CDH17: variants seen among roughly 807,000 people sequenced by gnomAD.
CDH17 encodes the protein cadherin-17.
In CDH17, 67 loss-of-function variants were observed where a neutral mutation model predicts 86.3. That is an observed-to-expected ratio of 0.78 (90% CI 0.64 to 0.95). CDH17 has a LOEUF of 0.95. Among genes scored for constraint, CDH17 ranks in the 40% least tolerant of loss-of-function variants. The probability of loss-of-function intolerance (pLI) is 0.00; values close to 1 mark genes in which losing one functional copy is unlikely to be tolerated. For synonymous variants in CDH17, 367 were observed against 366.4 expected, an observed-to-expected ratio of 1.00 and a Z score of -0.02; for missense variants, 993 against 1,017.6, an observed-to-expected ratio of 0.98 and a Z score of 0.33.
intron 1 of CDH17, among the ~76,000 whole-genome samples, chr8:94,215,047 G>A (rs1814173633): frequency 6.6e-6 from 1 of 152,232 alleles, no homozygotes; most frequent in Admixed American, 6.5e-5. Flanking sequence ...TGGTGGGAAT[G>A]TAAAATAACA....
chr8:94,129,206 T>G (rs1329474971), intron 17 of CDH17, among the ~76,000 whole-genome samples: 1 of 152,158 alleles, frequency 6.6e-6, no homozygotes, highest in East Asian at 1.9e-4. Context: ...GCTATCTGAT[T>G]TGTAAATTCA....
chr8:94,216,407 G>A (rs138694390), intron 1 of CDH17, among the ~76,000 whole-genome samples: 10 of 152,236 alleles, frequency 6.6e-5, no homozygotes, highest in African/African-American at 9.6e-5. Context: ...CTATCAATGA[G>A]CCTCAGCCAG....
At chr8:94,211,020 C>CA (rs59090058), upstream of CDH17, among the ~76,000 whole-genome samples, 18,449 of 91,550 alleles carry the variant, frequency 0.2, 1,474 homozygotes, top group Middle Eastern at 0.26. Context: ...GACTGCATCT[C>CA]AAAAAAAAAA....
intron 7 of CDH17, among the ~76,000 whole-genome samples, chr8:94,172,432 T>C (rs1292867825): frequency 6.6e-6 from 1 of 151,982 alleles, no homozygotes; most frequent in Non-Finnish European, 1.5e-5. Flanking sequence ...CCCTTAACAA[T>C]AGTAGCATTA....
At chr8:94,155,510 A>G (rs1329737165) in intron 12 of CDH17, among the ~76,000 whole-genome samples, 1 of 152,012 alleles carries the variant, frequency 6.6e-6, no homozygotes, top group Non-Finnish European at 1.5e-5. Context: ...CATCCTCACC[A>G]CCAAGCAGGT....
chr8:94,176,604 C>T lies in CDH17; in HGVS notation c.361G>A (p.Asp121Asn), dbSNP rs1297122469. The T allele has an allele frequency of 1.9e-6, 3 of 1,613,772 alleles. No individual in the cohort carries two copies. The highest frequency in any genetic ancestry group is 2.5e-6 in the Non-Finnish European group (3 of 1,179,770). Residue 121 changes from aspartate to asparagine, a missense_variant, in exon 5 of 18, where the codon GAC (aspartate) becomes AAC (asparagine). Coordinates refer to ENST00000027335, the MANE Select transcript of CDH17 (RefSeq NM_004063.4). ...PITIKVKDIN[D>N]NRPTFLQSKY... Reference sequence around the variant, plus strand: ...GACTGGAGAAACGTGGGTCGATTGTCGTTGATGTCCTTCACTTTTATGGTG... The same window carrying T: ...GACTGGAGAAACGTGGGTCGATTGTTGTTGATGTCCTTCACTTTTATGGTG...
At chr8:94,185,974 TTTG>T (rs959796281) in intron 3 of CDH17, among the ~76,000 whole-genome samples, 19 of 152,188 alleles carry the variant, frequency 1.2e-4, no homozygotes, top group Non-Finnish European at 2.5e-4. Context: ...ATATCTGTTT[TTTG>T]TTGTTGTTGT....
intron 3 of CDH17, among the ~76,000 whole-genome samples, chr8:94,184,040 T>TAA (rs567593599): frequency 2.9e-5 from 4 of 138,640 alleles, no homozygotes; most frequent in Non-Finnish European, 3.2e-5. Context: ...TAGCTATAAT[T>TAA]AAAAAAAAAA....
chr8:94,206,518 T>C (rs1240768022), intron 1 of CDH17, among the ~76,000 whole-genome samples: 1 of 152,170 alleles, frequency 6.6e-6, no homozygotes, highest in East Asian at 1.9e-4. Context: ...CCAGCTTTCC[T>C]CCTCAGAGCT....
At chr8:94,178,325 A>G (rs1202426436) in intron 3 of CDH17, among the ~76,000 whole-genome samples, 2 of 152,134 alleles carry the variant, frequency 1.3e-5, no homozygotes, top group Non-Finnish European at 1.5e-5. Context: ...GTATACTTTT[A>G]TATATTTTTA....
At position 94,162,073 on chromosome 8, in the gene CDH17, G is replaced by A. The variant is rs202232147; in HGVS notation, c.1359+13C>T. On this transcript the variant is annotated intron_variant, in intron 11 of 17. Transcript: ENST00000027335. ...ATAAAGTAAAGAAAAAACAAATAAT[G>A]ACAACTACTCACATCTGATTTTTCA... The A allele has an allele frequency of 2.1e-6, 3 of 1,454,724 alleles. 1 individual carries two copies. Among genetic ancestry groups the A allele is most frequent in the South Asian group, 1.2e-5 (1 of 86,944 alleles). The allele number at this position is 1,454,724 out of a possible 1,614,324, so 90.1% of individuals were successfully genotyped here.
At chr8:94,216,853 A>T (rs1413195698) in intron 1 of CDH17, among the ~76,000 whole-genome samples, 3 of 152,138 alleles carry the variant, frequency 2.0e-5, no homozygotes. Flanking sequence ...GGCCGCATAG[A>T]GCCACTGGGA....
chr8:94,134,385 A>T (rs1383719564), intron 15 of CDH17, among the ~76,000 whole-genome samples: 3 of 152,078 alleles, frequency 2.0e-5, no homozygotes, highest in Non-Finnish European at 4.4e-5. Context: ...AGTCTTGGGA[A>T]GGGTGTATGT....
chr8:94,216,466 T>C (rs1814195644), intron 1 of CDH17, among the ~76,000 whole-genome samples: 1 of 151,912 alleles, frequency 6.6e-6, no homozygotes, highest in Non-Finnish European at 1.5e-5. Flanking sequence ...CGGAGGACCC[T>C]CACTTCCTTG....
intron 14 of CDH17, among the ~76,000 whole-genome samples, chr8:94,147,888 C>A (rs928614555): frequency 7.2e-5 from 11 of 152,180 alleles, no homozygotes; most frequent in African/African-American, 2.4e-4. Flanking sequence ...ACACAGATAC[C>A]CCTTGTTCAC....
chr8:94,142,618 T>G (rs1408211336), intron 15 of CDH17, among the ~76,000 whole-genome samples: 5 of 151,214 alleles, frequency 3.3e-5, no homozygotes, highest in African/African-American at 4.8e-5. Flanking sequence ...TCTCAAAAAT[T>G]GGAGTAAGTC....
chr8:94,179,713 CTCTA>C (rs750835284), intron 3 of CDH17, among the ~76,000 whole-genome samples: 2 of 152,232 alleles, frequency 1.3e-5, no homozygotes, highest in Non-Finnish European at 2.9e-5. Flanking sequence ...TTAAGGAACT[CTCTA>C]TCTAGTCATT....
chr8:94,135,772 GT>G (rs1174608950), intron 15 of CDH17, among the ~76,000 whole-genome samples: 1 of 152,198 alleles, frequency 6.6e-6, no homozygotes, highest in Non-Finnish European at 1.5e-5. Flanking sequence ...AATTTGGCAT[GT>G]TTTTGCAGTG....
rs993843308 is a variant in CDH17, at chr8:94,195,815, C to T, written c.-20-1110G>A. On this transcript the variant is annotated intron_variant, in intron 1 of 17. Transcript: ENST00000027335. ...CTGCTCTGTCGCCCAGGCTGGAGTGCAGTGGCACGATCTCAGCTTATTGCA... is the reference window on the plus strand; with the variant it reads ...CTGCTCTGTCGCCCAGGCTGGAGTGTAGTGGCACGATCTCAGCTTATTGCA... Among the ~76,000 whole-genome samples the T allele has an allele frequency of 2.6e-5, 4 of 151,168 alleles. No individual in the cohort carries two copies. The East Asian group carries it at 7.8e-4, about 29-fold the overall frequency.
Sources: allele counts gnomAD v4.1 joint callset (sites outside exome capture counted in the v4.1 genomes callset), GRCh38; gene constraint gnomAD v4.1.1; transcripts MANE v1.5; gene names NCBI Gene and HGNC (gene_info 2026-07-23, HGNC 2026-07-21).